The following ATP10B variants were observed in gnomAD, a reference collection of about 807,000 sequenced individuals.
ATP10B encodes the protein ATPase phospholipid transporting 10B (putative), also known as phospholipid-transporting ATPase VB.
A neutral mutation model predicts 141.2 loss-of-function variants in ATP10B; 122 were observed. That is an observed-to-expected ratio of 0.86 (90% confidence interval 0.75 to 1.00). The LOEUF (loss-of-function observed/expected upper bound fraction) is 1.00. Ranked by LOEUF, ATP10B falls within the 50% of genes least tolerant of loss-of-function variation. The pLI is 0.00. For synonymous variants in ATP10B, 685 were observed against 692.0 expected (o/e 0.99, Z 0.16); for missense variants, 1,876 against 1,825.3 (o/e 1.03, Z -0.51).
At chr5:160,826,070 T>C (rs552512831) in intron 1 of ATP10B, among the ~76,000 whole-genome samples, 1 of 152,312 alleles carries the variant, frequency 6.6e-6, no homozygotes, top group African/African-American at 2.4e-5. Flanking sequence ...GATGGGCACC[T>C]AGGTTGGTTC....
chr5:160,889,162 C>A, the ATP10B span, among the ~76,000 whole-genome samples: 1 of 152,146 alleles, frequency 6.6e-6, no homozygotes, highest in Non-Finnish European at 1.5e-5. Context: ...GGACATTGGT[C>A]CCAATGCCCT....
the ATP10B span, among the ~76,000 whole-genome samples, chr5:160,863,801 A>T: frequency 2.0e-5 from 3 of 152,010 alleles, no homozygotes; most frequent in Non-Finnish European, 2.9e-5. Flanking sequence ...AAGATCATTC[A>T]AGGCTACTAT....
intron 3 of ATP10B, among the ~76,000 whole-genome samples, chr5:160,709,748 A>C (rs1765250060): frequency 3.5e-5 from 1 of 28,672 alleles, no homozygotes; most frequent in Non-Finnish European, 7.1e-5. Context: ...TCCCAATGCT[A>C]TCCCTCCCCC....
At chr5:160,763,486 T>G (rs1461230830) in intron 2 of ATP10B, among the ~76,000 whole-genome samples, 1 of 152,070 alleles carries the variant, frequency 6.6e-6, no homozygotes, top group Non-Finnish European at 1.5e-5. Flanking sequence ...GAAATTAAGA[T>G]GGAAATTAAA....
At chr5:160,880,024 T>C in the ATP10B span, among the ~76,000 whole-genome samples, 2 of 151,556 alleles carry the variant, frequency 1.3e-5, no homozygotes, top group African/African-American at 4.8e-5. Flanking sequence ...AAAATGAAAT[T>C]CTTCTGTATA....
intron 3 of ATP10B, among the ~76,000 whole-genome samples, chr5:160,695,157 C>T (rs1236779408): frequency 1.3e-5 from 2 of 152,148 alleles, no homozygotes; most frequent in African/African-American, 4.8e-5. Flanking sequence ...GGATTAAAGG[C>T]AGGGGCAACT....
At chr5:160,926,982 T>C in the ATP10B span, among the ~76,000 whole-genome samples, 136 of 152,362 alleles carry the variant, frequency 8.9e-4, no homozygotes, top group East Asian at 0.012. Context: ...ACTAAGTGCT[T>C]TGCAAAGGGC....
chr5:160,675,832 G>A (rs1762992966), intron 6 of ATP10B, among the ~76,000 whole-genome samples: 1 of 126,234 alleles, frequency 7.9e-6, no homozygotes, highest in Non-Finnish European at 1.6e-5. Flanking sequence ...GCTCAGGGAA[G>A]CACCAGAAAG....
intron 24 of ATP10B, among the ~76,000 whole-genome samples, 179 bp downstream of exon 24, chr5:160,589,413 G>A (rs1756126455): frequency 6.6e-6 from 1 of 152,240 alleles, no homozygotes; most frequent in Admixed American, 6.5e-5. Context: ...AAAGCAAGTT[G>A]ATTCCAGAAT....
intron 7 of ATP10B, among the ~76,000 whole-genome samples, chr5:160,653,105 T>C (rs1279469544): frequency 7.8e-6 from 1 of 128,276 alleles, no homozygotes; most frequent in African/African-American, 2.9e-5. Context: ...CACGTGTATA[T>C]ATAACATATA....
the ATP10B span, among the ~76,000 whole-genome samples, chr5:160,913,522 C>T: frequency 6.6e-6 from 1 of 152,108 alleles, no homozygotes; most frequent in Non-Finnish European, 1.5e-5. Context: ...TCCCTGAGCT[C>T]GTTATCCCGT....
chr5:160,593,075 C>T (rs1031027807), intron 22 of ATP10B, among the ~76,000 whole-genome samples: 75 of 152,354 alleles, frequency 4.9e-4, no homozygotes, highest in African/African-American at 1.8e-3. Context: ...GTTCTCCCAG[C>T]ACGCAGCTGG....
chr5:160,602,807 T>G, intron 20 of ATP10B, 105 bp from the exon 21 acceptor site: 1 of 1,494,268 alleles, frequency 6.7e-7, no homozygotes. Flanking sequence ...GCCAGCAGAG[T>G]CCTAAAGACC....
At chr5:160,916,286 C>T in the ATP10B span, among the ~76,000 whole-genome samples, 1 of 152,230 alleles carries the variant, frequency 6.6e-6, no homozygotes, top group Non-Finnish European at 1.5e-5. Flanking sequence ...GCCTGGGCTC[C>T]AGCCCTTGTT....
chr5:160,818,592 A>G (rs1015755152), intron 1 of ATP10B, among the ~76,000 whole-genome samples: 9 of 152,302 alleles, frequency 5.9e-5, no homozygotes, highest in South Asian at 4.1e-4. Context: ...TCAGTGTGGC[A>G]ATTCCTCAGG....
intron 3 of ATP10B, among the ~76,000 whole-genome samples, chr5:160,699,103 C>G (rs1190347384): frequency 6.6e-6 from 1 of 152,186 alleles, no homozygotes; most frequent in Non-Finnish European, 1.5e-5. Context: ...TACCTTTTCC[C>G]ATTTTCTTCC....
At chr5:160,831,233 A>AG (rs1409278997) in intron 1 of ATP10B, among the ~76,000 whole-genome samples, 1 of 152,042 alleles carries the variant, frequency 6.6e-6, no homozygotes, top group Non-Finnish European at 1.5e-5. Context: ...TAAACTTCTT[A>AG]GCACAGTGGC....
At chr5:160,647,807 T>G (rs1023055262) in intron 8 of ATP10B, among the ~76,000 whole-genome samples, 2 of 152,182 alleles carry the variant, frequency 1.3e-5, no homozygotes, top group African/African-American at 4.8e-5. Context: ...TGTCTCCTTC[T>G]GCTCGCTCTG....
the ATP10B span, among the ~76,000 whole-genome samples, chr5:160,868,519 G>GAC: frequency 2.7e-5 from 2 of 75,170 alleles, no homozygotes; most frequent in Non-Finnish European, 5.7e-5. Context: ...CATATGAACA[G>GAC]ATACACACAC....
Sources: allele counts gnomAD v4.1 joint callset (sites outside exome capture counted in the v4.1 genomes callset), GRCh38; gene constraint gnomAD v4.1.1; transcripts MANE v1.5; gene names NCBI Gene and HGNC (gene_info 2026-07-23, HGNC 2026-07-21).